The following A1CF variants were observed in gnomAD, a reference collection of about 807,000 sequenced individuals.
The protein encoded by A1CF is APOBEC1 complementation factor, also known as APOBEC-1 stimulating protein.
Under a neutral mutation model 68.9 loss-of-function variants are expected in A1CF, and 48 were observed. The observed-to-expected ratio is 0.70, with a 90% CI of 0.55 to 0.89. The LOEUF is 0.89. Among genes scored for constraint, A1CF ranks in the 40% least tolerant of loss-of-function variants. A1CF has a pLI of 0.00. For synonymous variants in A1CF, 272 were observed against 260.4 expected, an observed-to-expected ratio of 1.04 and a Z score of -0.43; for missense variants, 653 against 718.9, an observed-to-expected ratio of 0.91 and a Z score of 1.05.
At chr10:50,850,546 A>C (rs1041627165) in intron 3 of A1CF, 2 of 1,327,362 alleles carry the variant, frequency 1.5e-6, no homozygotes, top group African/African-American at 2.9e-5. Context: ...ATTACAAAAC[A>C]GAAAACTTAT....
chr10:50,876,769 T>C lies in A1CF; in HGVS notation c.-94+8812A>G, dbSNP rs117436082. Reference sequence around the variant, plus strand: ...AATCTTGGGACTCCTGCTTCTATAATTGCATGAGCCAATCCCATAGAATAA... The same window carrying C: ...AATCTTGGGACTCCTGCTTCTATAACTGCATGAGCCAATCCCATAGAATAA... On this transcript the variant is annotated intron_variant, in intron 1 of 12. Coordinates refer to ENST00000373997, the MANE Select transcript of A1CF (RefSeq NM_014576.4). Among the ~76,000 whole-genome samples the C allele has an allele frequency of 1.6e-3, 238 of 152,338 alleles. 2 individuals are homozygous for C. In the East Asian group the frequency reaches 0.025, roughly 16 times the overall value.
chr10:50,836,204 CT>C lies in A1CF; in HGVS notation c.473del (p.Lys158ArgfsTer56). 1 of 1,614,022 alleles carries C rather than the reference CT, an allele frequency of 6.2e-7. No individual in the cohort carries two copies. Among genetic ancestry groups the C allele is most frequent in the Non-Finnish European group, 8.5e-7 (1 of 1,179,902 alleles). On this transcript the variant is annotated frameshift_variant, in exon 6 of 13. Coordinates refer to ENST00000373997, the MANE Select transcript of A1CF (RefSeq NM_014576.4). LOFTEE classifies it high-confidence loss of function. ...KREEILSEMK[K>X]VTEGVVDVIV... ...TGACATCGACAACACCTTCAGTAACCTTTTTCATCTCCGATAAGATTTCTTC... is the reference window on the plus strand; with the variant it reads ...TGACATCGACAACACCTTCAGTAACCTTTTCATCTCCGATAAGATTTCTTC...
At chr10:50,811,310 G>A in intron 10 of A1CF, 134 bp from the exon 11 acceptor site, 3 of 829,790 alleles carry the variant, frequency 3.6e-6, no homozygotes, top group Non-Finnish European at 1.7e-6. Context: ...ATGATTTAAT[G>A]ACTCATAAAA....
intron 1 of A1CF, among the ~76,000 whole-genome samples, chr10:50,876,419 A>G (rs1291772922): frequency 6.6e-6 from 1 of 152,236 alleles, no homozygotes; most frequent in Non-Finnish European, 1.5e-5. Flanking sequence ...TCAACACTGA[A>G]GATTGAGAGA....
In A1CF at chr10:50,860,682, C is replaced by T. The variant is rs191265903; in HGVS notation, c.-45-697G>A. On this transcript the variant is annotated intron_variant, in intron 2 of 12. Transcript: ENST00000373997. Reference sequence around the variant, plus strand: ...AATGATGAAAGTTTACATATGTTCACGTTTGTGTGTACAGATATAAATGTA... The same window carrying T: ...AATGATGAAAGTTTACATATGTTCATGTTTGTGTGTACAGATATAAATGTA... Among the ~76,000 whole-genome samples, 5 of 152,254 alleles carry T rather than the reference C, an allele frequency of 3.3e-5. No individual in the cohort carries two copies. The South Asian group carries it at 6.2e-4, about 19-fold the overall frequency.
Position 50,868,192 on chromosome 10 carries a change from C to T in A1CF, c.-93-4112G>A, listed in dbSNP as rs149704560. Among the ~76,000 whole-genome samples, 349 of 152,220 alleles carry T rather than the reference C, an allele frequency of 2.3e-3. 3 individuals are homozygous for T. Among genetic ancestry groups the T allele is most frequent in the Admixed American group, 0.018 (275 of 15,268 alleles). On this transcript the variant is annotated intron_variant, in intron 1 of 12. Coordinates refer to ENST00000373997, the MANE Select transcript of A1CF (RefSeq NM_014576.4). ...GCAAGTTGTACAAGTGGTTTTAGCA[C>T]GAATTTCAGCCCTTGAGTATCTCCT...
chr10:50,848,339 A>C (rs569376971), intron 3 of A1CF, among the ~76,000 whole-genome samples: 1 of 152,218 alleles, frequency 6.6e-6, no homozygotes, highest in Non-Finnish European at 1.5e-5. Flanking sequence ...TGTAGAAAAG[A>C]CTAGAATAAA....
Position 50,823,735 on chromosome 10 carries a change from A to G in A1CF, c.770-3086T>C, listed in dbSNP as rs532450904. ...GAAATTCAGCAGATACCCTTAGGCT[A>G]CAGTGGGGAAGAACAAACCATCTTC... On this transcript the variant is annotated intron_variant, in intron 7 of 12. Transcript: ENST00000373997. 11 of 152,296 alleles carry G rather than the reference A, an allele frequency of 7.2e-5. No individual in the cohort carries two copies. The South Asian group carries it at 2.3e-3, about 32-fold the overall frequency. The allele number at this position is 152,296 out of a possible 1,614,324, so 9.4% of individuals were successfully genotyped here. A position where few individuals can be genotyped will look rare whatever the true frequency, so the allele number is the denominator to read the frequency against.
intron 6 of A1CF, 84 bp from the exon 7 acceptor site, chr10:50,828,379 TG>T: frequency 8.6e-7 from 1 of 1,167,314 alleles, no homozygotes; most frequent in South Asian, 2.2e-5. Context: ...TCTTTTAAAT[TG>T]ACCTGACCCT....
At chr10:50,849,854 C>G (rs920849965) in intron 3 of A1CF, among the ~76,000 whole-genome samples, 1 of 122,080 alleles carries the variant, frequency 8.2e-6, no homozygotes. Flanking sequence ...AGTGCAGTGG[C>G]GCAATCTCAG....
Position 50,859,994 on chromosome 10 carries a change from A to C in A1CF, c.-45-9T>G, listed in dbSNP as rs1378595499. ...TTAATTAGGGTTGCTCACTGAAACC[A>C]AATTTAAGATAAATTAAGTAAATTA... is the stretch of plus-strand genomic sequence containing the variant. On this transcript the variant is annotated splice_polypyrimidine_tract_variant and intron_variant, in intron 2 of 12. Transcript: ENST00000373997. The C allele has an allele frequency of 7.1e-7, 1 of 1,403,510 alleles. No homozygotes were observed. Among genetic ancestry groups the C allele is most frequent in the Non-Finnish European group, 1.0e-6 (1 of 991,352 alleles). 86.9% of individuals were successfully genotyped at this position (1,403,510 alleles called of 1,614,324 possible).
intron 4 of A1CF, among the ~76,000 whole-genome samples, chr10:50,842,883 C>T (rs1839843839): frequency 6.6e-6 from 1 of 152,142 alleles, no homozygotes; most frequent in South Asian, 2.1e-4. Context: ...ACTACTAACT[C>T]AGGGCTAGGG....
intron 2 of A1CF, among the ~76,000 whole-genome samples, chr10:50,861,859 ATAC>A (rs1277550719): frequency 2.0e-5 from 3 of 148,810 alleles, no homozygotes; most frequent in African/African-American, 7.3e-5. Context: ...AGTATTTATA[ATAC>A]TACTATTAGT....
intron 1 of A1CF, among the ~76,000 whole-genome samples, chr10:50,872,581 G>A (rs559135753): frequency 1.1e-4 from 16 of 152,228 alleles, no homozygotes; most frequent in African/African-American, 3.4e-4. Context: ...AAGAACACAG[G>A]ACACCATAAT....
intron 2 of A1CF, among the ~76,000 whole-genome samples, chr10:50,861,608 A>C (rs1234834393): frequency 2.0e-5 from 3 of 148,066 alleles, no homozygotes; most frequent in Non-Finnish European, 3.0e-5. Context: ...TAGTACCAAT[A>C]TTACTAATAA....
In A1CF at chr10:50,828,118, A is replaced by G. The variant is rs779054273; in HGVS notation, c.769+13T>C. The G allele has an allele frequency of 3.9e-6, 6 of 1,544,330 alleles. No individual in the cohort carries two copies. Among genetic ancestry groups the G allele is most frequent in the Middle Eastern group, 1.7e-4 (1 of 5,806 alleles). On this transcript the variant is annotated intron_variant, in intron 7 of 12. Coordinates refer to ENST00000373997, the MANE Select transcript of A1CF (RefSeq NM_014576.4). ...GAATGTTTTGAAAAACTAATCTTGT[A>G]TATATGTCCTACCTGGTTTGATATT...
At chr10:50,850,707 A>C in intron 3 of A1CF, 1 of 1,614,090 alleles carries the variant, frequency 6.2e-7, no homozygotes, top group Non-Finnish European at 8.5e-7. Flanking sequence ...GCAAAGCATT[A>C]TTTCCTTTTT....
chr10:50,808,858 C>T (rs891546019), intron 12 of A1CF, among the ~76,000 whole-genome samples: 39 of 152,220 alleles, frequency 2.6e-4, no homozygotes, highest in Non-Finnish European at 2.5e-4. Context: ...TAAAATTTTT[C>T]ACACCTACGC....
rs76521689 is a variant in A1CF at position 50,811,405 on chromosome 10, T to C, written c.1324-229A>G. ...CACTTTCACACCATTTACTGTAATA[T>C]GTTTTTAGTTTAGTCTATTAGCTGT... On this transcript the variant is annotated intron_variant, in intron 10 of 12. Transcript: ENST00000373997. Among the ~76,000 whole-genome samples, 401 of 152,352 alleles carry C rather than the reference T, an allele frequency of 2.6e-3. 1 individual carries two copies. The highest frequency in any genetic ancestry group is 9.4e-3 in the African/African-American group (392 of 41,576).
Sources: gnomAD v4.1 joint callset for allele counts (sites outside exome capture counted in the v4.1 genomes callset) on GRCh38, gnomAD v4.1.1 for gene constraint, MANE v1.5 for transcripts, NCBI Gene and HGNC (gene_info 2026-07-23, HGNC 2026-07-21) for gene names.